The following CFAP97 variants were observed in gnomAD, a reference collection of about 807,000 sequenced individuals.
CFAP97 encodes the protein cilia and flagella associated protein 97.
In CFAP97, 36 loss-of-function variants were observed where a neutral mutation model predicts 43.1. That is an observed-to-expected ratio of 0.84 (90% CI 0.64 to 1.10). The LOEUF is 1.10. Ranked by LOEUF, CFAP97 falls within the 50% of genes least tolerant of loss-of-function variation. The pLI is 0.00. For missense variants in CFAP97, 657 were observed against 620.3 expected (o/e 1.06, Z -0.63); for synonymous variants, 228 against 225.7 (o/e 1.01, Z -0.09).
At chr4:185,163,025 C>G in intron 4 of CFAP97, 100 bp from the exon 5 acceptor site, 1 of 1,055,614 alleles carries the variant, frequency 9.5e-7, no homozygotes, top group South Asian at 2.4e-5. Context: ...TAGTCTAATG[C>G]TATGATTCTC....
chr4:185,189,788 C>T (rs1736150547), intron 2 of CFAP97, among the ~76,000 whole-genome samples: 1 of 152,178 alleles, frequency 6.6e-6, no homozygotes, highest in South Asian at 2.1e-4. Flanking sequence ...CTGAGCACTG[C>T]TGCCTTTCTT....
chr4:185,195,425 A>G (rs969092011), intron 1 of CFAP97, among the ~76,000 whole-genome samples: 4 of 152,122 alleles, frequency 2.6e-5, no homozygotes, highest in African/African-American at 7.2e-5. Flanking sequence ...TGATAATGCA[A>G]TGAGTCATCA....
intron 1 of CFAP97, among the ~76,000 whole-genome samples, chr4:185,202,422 G>A (rs1230706019): frequency 6.6e-6 from 1 of 152,084 alleles, no homozygotes; most frequent in Non-Finnish European, 1.5e-5. Flanking sequence ...TGTAGCTCTC[G>A]CCTGTAGTCC....
intron 1 of CFAP97, among the ~76,000 whole-genome samples, chr4:185,194,153 T>C (rs991509127): frequency 6.6e-6 from 1 of 152,184 alleles, no homozygotes; most frequent in Non-Finnish European, 1.5e-5. Flanking sequence ...TGAGACCCTA[T>C]GGCCCACAGA....
chr4:185,175,854 G>A lies in CFAP97; in HGVS notation c.1252C>T (p.Pro418Ser). 6.2e-7 allele frequency: 1 copy of A among 1,613,828 alleles called. No individual in the cohort carries two copies. The highest frequency in any genetic ancestry group is 8.5e-7 in the Non-Finnish European group (1 of 1,179,810). The change falls in exon 3 of 5, where the codon CCC becomes TCC. Residue 418 changes from proline to serine, a missense_variant. Coordinates refer to ENST00000458385, the MANE Select transcript of CFAP97 (RefSeq NM_020827.3). ...KSTIPRSADHPPKLYHSALNR... is the reference protein window; with the variant it reads ...KSTIPRSADHSPKLYHSALNR... ...AGAGCACTGTGATATAACTTTGGGG[G>A]ATGATCAGCCGATCTAGGAATTGTA...
chr4:185,166,857 T>G (rs1735090764), intron 3 of CFAP97, among the ~76,000 whole-genome samples: 1 of 152,236 alleles, frequency 6.6e-6, no homozygotes, highest in South Asian at 2.1e-4. Flanking sequence ...TTGATTACCC[T>G]AAATTTTAAG....
chr4:185,204,100 G>GC (rs1298509695), upstream of CFAP97: 7 of 151,512 alleles, frequency 4.6e-5, no homozygotes, highest in Non-Finnish European at 4.4e-5. Flanking sequence ...GCGTCACAGA[G>GC]CGCGGCGGGC....
chr4:185,205,325 G>A (rs1033302804), upstream of CFAP97, among the ~76,000 whole-genome samples: 20 of 152,010 alleles, frequency 1.3e-4, no homozygotes, highest in African/African-American at 4.8e-4. Context: ...GTGGTGACGT[G>A]AGCCTGTAGT....
rs115135416 is a variant in CFAP97, at chr4:185,192,187, A to T, written c.-16-975T>A. On this transcript the variant is annotated intron_variant, in intron 1 of 4. Transcript: ENST00000458385. ...TTAAGAGGAACAAAACTTCTAAGTC[A>T]CACATACAGGCTGCACAGGTATGTC... Among the ~76,000 whole-genome samples the T allele has an allele frequency of 8.1e-3, 1,227 of 152,368 alleles. 17 individuals carry two copies. Among genetic ancestry groups the T allele is most frequent in the African/African-American group, 0.028 (1,181 of 41,590 alleles).
Position 185,193,887 on chromosome 4 carries a change from G to GATAAATAAATAAATAAATAAATAAATAA in CFAP97, c.-16-2676_-16-2675insTTATTTATTTATTTATTTATTTATTTAT, listed in dbSNP as rs71593607. ...TGGGCGACAGAGAGAGACTCCATCT[G>GATAAATAAATAAATAAATAAATAAATAA]ATAAATAAATAAATAAATAAATAAG... On this transcript the variant is annotated intron_variant, in intron 1 of 4. Coordinates refer to ENST00000458385, the MANE Select transcript of CFAP97 (RefSeq NM_020827.3). 1.0e-4 allele frequency among the ~76,000 whole-genome samples: 15 copies of GATAAATAAATAAATAAATAAATAAATAA among 147,786 alleles called. No individual in the cohort carries two copies. The East Asian group carries it at 1.2e-3, about 12-fold the overall frequency.
At chr4:185,178,706 T>C (rs1579242577) in intron 2 of CFAP97, among the ~76,000 whole-genome samples, 1 of 152,160 alleles carries the variant, frequency 6.6e-6, no homozygotes, top group Admixed American at 6.5e-5. Context: ...AGGATCAAAG[T>C]GCCTAACCAT....
chr4:185,175,901 G>T lies in CFAP97; in HGVS notation c.1205C>A (p.Ala402Glu). The T allele has an allele frequency of 6.2e-7, 1 of 1,613,762 alleles. No homozygotes were observed. Among genetic ancestry groups the T allele is most frequent in the African/African-American group, 1.3e-5 (1 of 74,960 alleles). Residue 402 changes from alanine to glutamate, a missense_variant, in exon 3 of 5, where the codon GCG becomes GAG. By Grantham distance (107) the Ala-to-Glu change is moderately radical (BLOSUM62 -1). Coordinates refer to ENST00000458385, the MANE Select transcript of CFAP97 (RefSeq NM_020827.3). Reference sequence around the variant, plus strand: ...TGTACTTTTGCTTCCCGGCTTTTCCGCCTGTCTTGACAGTTCTTTCAAAAG... The same window carrying T: ...TGTACTTTTGCTTCCCGGCTTTTCCTCCTGTCTTGACAGTTCTTTCAAAAG... Reference protein sequence around the residue: ...QRLLKELSRQAEKPGSKSTIP... With the variant: ...QRLLKELSRQEEKPGSKSTIP...
At chr4:185,166,134 C>T (rs1225542143) in intron 3 of CFAP97, among the ~76,000 whole-genome samples, 1 of 152,168 alleles carries the variant, frequency 6.6e-6, no homozygotes, top group Non-Finnish European at 1.5e-5. Flanking sequence ...AATTACCCAA[C>T]TAGTATTAGT....
intron 3 of CFAP97, chr4:185,170,322 G>A: frequency 3.3e-6 from 2 of 614,384 alleles, no homozygotes; most frequent in African/African-American, 1.9e-5. Flanking sequence ...CTCCAGCCTG[G>A]GTGACAGAGC....
chr4:185,204,335 A>G (rs1737091789), upstream of CFAP97: 1 of 152,178 alleles, frequency 6.6e-6, no homozygotes, highest in African/African-American at 2.4e-5. Context: ...CTACCAAACC[A>G]AGAATAAAAA....
At chr4:185,209,764 G>A, upstream of CFAP97, 2 of 984,058 alleles carry the variant, frequency 2.0e-6, no homozygotes, top group Non-Finnish European at 2.4e-6. The surrounding 1 kb of genome is among the most constrained non-coding windows in gnomAD (Gnocchi z 5.2). Context: ...CCCTGCCTCC[G>A]GAGCGCCGGC....
chr4:185,191,656 C>A (rs1251184848), intron 1 of CFAP97, among the ~76,000 whole-genome samples: 3 of 152,120 alleles, frequency 2.0e-5, no homozygotes, highest in East Asian at 1.9e-4. Flanking sequence ...ATGGTGAAAC[C>A]CCGTCTCTAC....
Position 185,190,621 on chromosome 4 carries a change from C to A in CFAP97, c.576G>T (p.Gly192=). Residue 192 remains glycine (G), a synonymous_variant, in exon 2 of 5, where the codon GGG becomes GGT. Transcript: ENST00000458385. Reference sequence around the variant, plus strand: ...ACGAATCAGATAGATGGCTATCAGACCCTGCATCTAAACAATCTGTACCTG... The same window carrying A: ...ACGAATCAGATAGATGGCTATCAGAACCTGCATCTAAACAATCTGTACCTG... ...SGSGTDCLDA[G]SDSHLSDSSP... The A allele has an allele frequency of 1.2e-6, 2 of 1,600,994 alleles. No homozygotes were observed. Among genetic ancestry groups the A allele is most frequent in the Non-Finnish European group, 1.7e-6 (2 of 1,173,176 alleles).
chr4:185,190,209 TG>T lies in CFAP97; in HGVS notation c.987del (p.Ser330ValfsTer2), dbSNP rs756988887. On this transcript the variant is annotated frameshift_variant, in exon 2 of 5. Transcript: ENST00000458385. LOFTEE classifies it high-confidence loss of function. ...TTCTGTTTATGTCTGTGGTCTAAACTGGAGTCTAACACTGAAGACGACTTTG... is the reference window on the plus strand; with the variant it reads ...TTCTGTTTATGTCTGTGGTCTAAACTGAGTCTAACACTGAAGACGACTTTG... ...VSSKSSSVLD[S>X]SLDHRHKQKV... 6.2e-7 allele frequency: 1 copy of T among 1,612,326 alleles called. No homozygotes were observed. The highest frequency in any genetic ancestry group is 2.2e-5 in the East Asian group (1 of 44,882).
Sources: allele counts gnomAD v4.1 joint callset (sites outside exome capture counted in the v4.1 genomes callset), GRCh38; gene constraint gnomAD v4.1.1; non-coding constraint Gnocchi (gnomAD v3.1); transcripts MANE v1.5; gene names NCBI Gene and HGNC (gene_info 2026-07-23, HGNC 2026-07-21).